CTNND2: variants seen among roughly 807,000 people sequenced by gnomAD.
The protein encoded by CTNND2 is catenin delta 2, also known as catenin delta-2.
Under a neutral mutation model 144.4 loss-of-function variants are expected in CTNND2, and 22 were observed. That is an observed-to-expected ratio of 0.15 (90% CI 0.11 to 0.22). The LOEUF is 0.22. Ranked by LOEUF, CTNND2 falls within the 10% of genes least tolerant of loss-of-function variation. CTNND2 has a pLI of 1.00. For synonymous variants in CTNND2, 751 were observed against 695.6 expected, an observed-to-expected ratio of 1.08 and a Z score of -1.25; for missense variants, 1,353 against 1,618.8, an observed-to-expected ratio of 0.84 and a Z score of 2.82.
intron 8 of CTNND2, among the ~76,000 whole-genome samples, chr5:11,353,307 T>G (rs1286079569): frequency 6.6e-6 from 1 of 152,086 alleles, no homozygotes; most frequent in Non-Finnish European, 1.5e-5. Flanking sequence ...GGGACTGAAA[T>G]GTAGCAGTGG....
At chr5:11,469,975 T>A (rs1227019823) in intron 3 of CTNND2, among the ~76,000 whole-genome samples, 2 of 152,092 alleles carry the variant, frequency 1.3e-5, no homozygotes, top group African/African-American at 4.8e-5. Context: ...GCTACCGGAG[T>A]GCATATCCTA....
rs541083129 is a variant in CTNND2, at chr5:11,714,918, A to G, written c.174+17218T>C. 4.0e-3 allele frequency among the ~76,000 whole-genome samples: 609 copies of G among 152,174 alleles called. 6 individuals are homozygous for G. The highest frequency in any genetic ancestry group is 0.014 in the African/African-American group (577 of 41,530). On this transcript the variant is annotated intron_variant, in intron 2 of 21. Transcript: ENST00000304623. Reference sequence around the variant, plus strand: ...AGAGAGCAATATTCCGTCTCAAAAAAAAAAAAAGAAAGAAAGAAATCAGGA... The same window carrying G: ...AGAGAGCAATATTCCGTCTCAAAAAGAAAAAAAGAAAGAAAGAAATCAGGA...
chr5:11,265,912 A>G (rs977553367), intron 9 of CTNND2, among the ~76,000 whole-genome samples: 16 of 151,858 alleles, frequency 1.1e-4, no homozygotes, highest in Non-Finnish European at 2.4e-4. Context: ...GGGTTTCACC[A>G]TGTTAGCCAG....
chr5:11,443,252 G>GTGTGGT lies in CTNND2; in HGVS notation c.288-31184_288-31183insACCACA, dbSNP rs1561401563. Among the ~76,000 whole-genome samples, 621 of 117,052 alleles carry GTGTGGT rather than the reference G, an allele frequency of 5.3e-3. 8 individuals carry two copies. The highest frequency in any genetic ancestry group is 0.025 in the Middle Eastern group (6 of 236). The allele number at this position is 117,052 out of a possible 152,430, so 76.8% of individuals were successfully genotyped here. A position where few individuals can be genotyped will look rare whatever the true frequency, so the allele number is the denominator to read the frequency against. ...GTGTGTGTGATGTGTGTGTGTGTGT[G>GTGTGGT]CTGTGTGTGGTGTGTGTGTGGTATG... On this transcript the variant is annotated intron_variant, in intron 3 of 21. Coordinates refer to ENST00000304623, the MANE Select transcript of CTNND2 (RefSeq NM_001332.4).
At chr5:11,459,676 G>T (rs1014627099) in intron 3 of CTNND2, among the ~76,000 whole-genome samples, 1 of 152,144 alleles carries the variant, frequency 6.6e-6, no homozygotes, top group African/African-American at 2.4e-5. Flanking sequence ...AAAACCTGCA[G>T]AAGGACATTT....
intron 9 of CTNND2, among the ~76,000 whole-genome samples, chr5:11,279,482 T>C (rs1032793297): frequency 6.6e-6 from 1 of 152,150 alleles, no homozygotes; most frequent in East Asian, 1.9e-4. Flanking sequence ...GCCTCCCAAT[T>C]GGTCTTCCTG....
intron 18 of CTNND2, among the ~76,000 whole-genome samples, chr5:11,006,935 CAA>C (rs987167242): frequency 2.5e-4 from 38 of 152,142 alleles, no homozygotes; most frequent in African/African-American, 9.2e-4. Context: ...AACGACTTAA[CAA>C]GAGGCCTGGA....
At chr5:11,796,705 T>C (rs566485750) in intron 1 of CTNND2, among the ~76,000 whole-genome samples, 11 of 152,350 alleles carry the variant, frequency 7.2e-5, no homozygotes, top group African/African-American at 2.6e-4. Context: ...TAGGGCTGTT[T>C]ATAGGATGTC....
At chr5:11,699,060 CACAT>C (rs1395674379) in intron 2 of CTNND2, among the ~76,000 whole-genome samples, 4 of 151,398 alleles carry the variant, frequency 2.6e-5, no homozygotes, top group African/African-American at 7.3e-5. Flanking sequence ...CCCCCACACA[CACAT>C]AGTTAGATTT....
At chr5:11,310,571 G>A (rs768858166) in intron 9 of CTNND2, among the ~76,000 whole-genome samples, 4 of 151,706 alleles carry the variant, frequency 2.6e-5, no homozygotes, top group Non-Finnish European at 4.4e-5. Flanking sequence ...ATAACACCTG[G>A]GGAGTTGTCC....
chr5:11,122,229 G>A (rs1327854283), intron 12 of CTNND2, among the ~76,000 whole-genome samples: 3 of 148,224 alleles, frequency 2.0e-5, no homozygotes. Context: ...TGAGTTATTC[G>A]AGGCAGTTTC....
intron 2 of CTNND2, among the ~76,000 whole-genome samples, chr5:11,641,482 T>G (rs550365021): frequency 2.0e-5 from 3 of 151,310 alleles, no homozygotes; most frequent in Non-Finnish European, 4.4e-5. Flanking sequence ...TGTATGTATA[T>G]GTACATGCAC....
At chr5:11,115,880 G>T (rs1753488196) in intron 13 of CTNND2, among the ~76,000 whole-genome samples, 1 of 152,124 alleles carries the variant, frequency 6.6e-6, no homozygotes, top group South Asian at 2.1e-4. Context: ...CTAATATGTA[G>T]TCAGGGTTGA....
intron 9 of CTNND2, among the ~76,000 whole-genome samples, chr5:11,240,933 AACAC>A (rs1187164495): frequency 6.9e-6 from 1 of 144,868 alleles, no homozygotes; most frequent in South Asian, 2.3e-4. Flanking sequence ...ACACACACCC[AACAC>A]ACACACTGAG....
intron 1 of CTNND2, among the ~76,000 whole-genome samples, chr5:11,851,260 CAT>C (rs34341118): frequency 0.69 from 104,422 of 151,030 alleles, 36,170 homozygotes; most frequent in South Asian, 0.78. Flanking sequence ...CTCTCTAATA[CAT>C]GCGTGTGTGT....
At chr5:11,320,680 A>T (rs1751943714) in intron 9 of CTNND2, among the ~76,000 whole-genome samples, 1 of 152,154 alleles carries the variant, frequency 6.6e-6, no homozygotes, top group South Asian at 2.1e-4. Context: ...CTCCCATTTT[A>T]AAAACCATCA....
intron 12 of CTNND2, among the ~76,000 whole-genome samples, chr5:11,132,641 C>T (rs961096834): frequency 1.3e-5 from 2 of 152,136 alleles, no homozygotes; most frequent in African/African-American, 4.8e-5. Flanking sequence ...TCTTGTCTCT[C>T]GTATTTCACT....
intron 11 of CTNND2, among the ~76,000 whole-genome samples, chr5:11,183,113 C>T (rs1212697464): frequency 6.6e-6 from 1 of 152,154 alleles, no homozygotes; most frequent in Non-Finnish European, 1.5e-5. Context: ...CCTAGCCATG[C>T]TCAATGTGAA....
chr5:11,166,071 T>C (rs1207595243), intron 11 of CTNND2, among the ~76,000 whole-genome samples: 1 of 152,172 alleles, frequency 6.6e-6, no homozygotes, highest in Non-Finnish European at 1.5e-5. Context: ...CTGGGCTTCA[T>C]TCATTTTAAA....
Sources: gnomAD v4.1 joint callset for allele counts (sites outside exome capture counted in the v4.1 genomes callset) on GRCh38, gnomAD v4.1.1 for gene constraint, MANE v1.5 for transcripts, NCBI Gene and HGNC (gene_info 2026-07-23, HGNC 2026-07-21) for gene names.